PTN: variants seen among roughly 807,000 people sequenced by gnomAD.
PTN encodes heparin affin regulatory protein.
PTN carries 18 observed loss-of-function variants against 24.1 expected under a neutral mutation model. The ratio of observed to expected loss-of-function variants is 0.75; its 90% confidence interval spans 0.52 to 1.11. The LOEUF (loss-of-function observed/expected upper bound fraction) is 1.11, where lower values mean the gene tolerates loss of function less well. PTN is among the 50% of genes least tolerant of loss of function. The pLI is 0.00. For synonymous variants in PTN, 78 were observed against 68.6 expected, an observed-to-expected ratio of 1.14 and a Z score of -0.67; for missense variants, 163 against 198.8, an observed-to-expected ratio of 0.82 and a Z score of 1.08.
Position 137,227,729 on chromosome 7 carries a change from A to T in PTN, c.*291T>A, listed in dbSNP as rs1808357536. 1.6e-5 allele frequency: 4 copies of T among 247,618 alleles called. No homozygotes were observed. The allele number at this position is 247,618 out of a possible 1,614,324, so 15.3% of individuals were successfully genotyped here. A position where few individuals can be genotyped will look rare whatever the true frequency, so the allele number is the denominator to read the frequency against. ...GCCCAAAAAATGTAAAAAAAATTTA[A>T]TGTAAAATGTCACATAATTTCAAAA... is the stretch of plus-strand genomic sequence containing the variant. On this transcript the variant is annotated 3_prime_UTR_variant, in exon 5 of 5. Transcript: ENST00000348225.
chr7:137,257,284 G>C (rs1038582653), intron 1 of PTN, among the ~76,000 whole-genome samples: 1 of 152,158 alleles, frequency 6.6e-6, no homozygotes, highest in Non-Finnish European at 1.5e-5. Flanking sequence ...TCAGATTGGT[G>C]CAAAAGTGAT....
chr7:137,280,447 G>A (rs1809448420), intron 1 of PTN, among the ~76,000 whole-genome samples: 1 of 151,538 alleles, frequency 6.6e-6, no homozygotes, highest in African/African-American at 2.4e-5. Context: ...CATAGAGTAA[G>A]GACTGAAGAA....
At chr7:137,254,764 A>C (rs949405800) in intron 2 of PTN, 95 bp downstream of exon 2, 9 of 715,490 alleles carry the variant, frequency 1.3e-5, no homozygotes, top group Non-Finnish European at 1.5e-5. Flanking sequence ...AGGAAGGGAG[A>C]GAGGCAGAGT....
intron 1 of PTN, among the ~76,000 whole-genome samples, chr7:137,294,910 G>C (rs970082167): frequency 2.6e-5 from 4 of 151,996 alleles, no homozygotes; most frequent in African/African-American, 9.7e-5. Context: ...TTTTAAGTTA[G>C]AACTCATGCT....
intron 1 of PTN, among the ~76,000 whole-genome samples, chr7:137,268,124 C>T (rs1449956942): frequency 6.6e-6 from 1 of 152,114 alleles, no homozygotes; most frequent in East Asian, 1.9e-4. Context: ...CCAGTTCCTT[C>T]CCGGTGTTCA....
At chr7:137,291,220 C>T (rs1430810253) in intron 1 of PTN, among the ~76,000 whole-genome samples, 1 of 152,100 alleles carries the variant, frequency 6.6e-6, no homozygotes, top group Non-Finnish European at 1.5e-5. Flanking sequence ...ATGCAATATG[C>T]CCATTTTTTG....
intron 1 of PTN, among the ~76,000 whole-genome samples, chr7:137,278,470 T>G (rs1157661235): frequency 6.6e-6 from 1 of 152,100 alleles, no homozygotes; most frequent in African/African-American, 2.4e-5. Flanking sequence ...TGGGAGAAGT[T>G]ATTTCACAGA....
At chr7:137,240,422 C>A (rs1808608961) in intron 4 of PTN, among the ~76,000 whole-genome samples, 1 of 152,154 alleles carries the variant, frequency 6.6e-6, no homozygotes, top group Non-Finnish European at 1.5e-5. Flanking sequence ...GGAATTTATC[C>A]CTCTGCTTCT....
chr7:137,274,396 G>A (rs781270710), intron 1 of PTN, among the ~76,000 whole-genome samples: 2 of 152,030 alleles, frequency 1.3e-5, no homozygotes, highest in African/African-American at 2.4e-5. Context: ...AAGTTCTGGG[G>A]TACATGTGCA....
At chr7:137,300,107 G>A (rs545781258) in intron 1 of PTN, among the ~76,000 whole-genome samples, 14 of 149,728 alleles carry the variant, frequency 9.4e-5, no homozygotes, top group African/African-American at 3.4e-4. Flanking sequence ...TCGGTGGGTA[G>A]ATAGATGATA....
At chr7:137,263,000 T>TC (rs1360334856) in intron 1 of PTN, among the ~76,000 whole-genome samples, 3 of 152,092 alleles carry the variant, frequency 2.0e-5, no homozygotes, top group Non-Finnish European at 2.9e-5. Context: ...GTCCCTCATT[T>TC]CCCCCCTTCG....
rs116847277 is a variant in PTN at position 137,336,832 on chromosome 7, A to G, written c.-2+6607T>C. Among the ~76,000 whole-genome samples the G allele has an allele frequency of 2.3e-3, 357 of 152,286 alleles. 1 individual carries two copies. The highest frequency in any genetic ancestry group is 0.014 in the Middle Eastern group (4 of 294). ...CAAACACTCCCAGCAATCAGACTCT[A>G]TGTTCAGTACTTCACATTGATTTTC... On this transcript the variant is annotated intron_variant, in intron 1 of 4. Coordinates refer to ENST00000348225, the MANE Select transcript of PTN (RefSeq NM_002825.7).
At chr7:137,309,649 A>G (rs1243685840) in intron 1 of PTN, among the ~76,000 whole-genome samples, 1 of 152,130 alleles carries the variant, frequency 6.6e-6, no homozygotes, top group Non-Finnish European at 1.5e-5. Flanking sequence ...TCACATCTCC[A>G]CCAAGAGAAG....
chr7:137,244,473 T>C (rs868694064), intron 4 of PTN, among the ~76,000 whole-genome samples: 1 of 151,414 alleles, frequency 6.6e-6, no homozygotes, highest in East Asian at 2.0e-4. Flanking sequence ...GTTGGTGTGC[T>C]GCACCCATTA....
intron 4 of PTN, among the ~76,000 whole-genome samples, chr7:137,244,724 C>T (rs1405526512): frequency 6.6e-6 from 1 of 151,910 alleles, no homozygotes; most frequent in African/African-American, 2.4e-5. Flanking sequence ...ACAAGGGTTT[C>T]CAACTTCACA....
intron 1 of PTN, among the ~76,000 whole-genome samples, chr7:137,306,975 A>T: frequency 6.6e-6 from 1 of 152,050 alleles, no homozygotes; most frequent in East Asian, 1.9e-4. Flanking sequence ...CGCATTCCTC[A>T]TATGAAAATA....
rs573525042 is a variant in PTN, at chr7:137,341,305, AT to A, written c.-2+2133del. The stretch of plus-strand genomic sequence containing the variant: ...AAACCAGGCCATTGGCTTGACTGAA[AT>A]TTTTTTAAAAAATGAAAATGCTCAT... On this transcript the variant is annotated intron_variant, in intron 1 of 4. Coordinates refer to ENST00000348225, the MANE Select transcript of PTN (RefSeq NM_002825.7). 5.8e-4 allele frequency among the ~76,000 whole-genome samples: 88 copies of A among 152,258 alleles called. No individual in the cohort carries two copies. The South Asian group carries it at 0.013, about 22-fold the overall frequency.
intron 1 of PTN, among the ~76,000 whole-genome samples, chr7:137,259,235 CT>C (rs1380753306): frequency 6.6e-6 from 1 of 152,084 alleles, no homozygotes; most frequent in Non-Finnish European, 1.5e-5. Context: ...GAGAGCTCCC[CT>C]TTTCCTTAGT....
chr7:137,240,590 C>T (rs1416804284), intron 4 of PTN, among the ~76,000 whole-genome samples: 5 of 152,176 alleles, frequency 3.3e-5, no homozygotes, highest in South Asian at 2.1e-4. Context: ...ACTACAGATG[C>T]AAAGAAATGG....
Sources: allele counts gnomAD v4.1 joint callset (sites outside exome capture counted in the v4.1 genomes callset), GRCh38; gene constraint gnomAD v4.1.1; transcripts MANE v1.5; gene names NCBI Gene and HGNC (gene_info 2026-07-23, HGNC 2026-07-21).